Variants in NFILZ observed in about 807,000 individuals in gnomAD.
NFILZ encodes the protein NFIL3 like basic leucine zipper, also known as NFIL3 like protein.
intron 3 of NFILZ, among the ~76,000 whole-genome samples, chr19:8,647,587 C>CCA (rs76371857): frequency 0.043 from 6,230 of 146,568 alleles, 295 homozygotes; most frequent in East Asian, 0.27. Flanking sequence ...CCCCCCCCCC[C>CCA]AAAAAAAGGG....
Position 8,675,352 on chromosome 19 carries a change from T to A in NFILZ, c.-114+752T>A, listed in dbSNP as rs182231343. ...CCCCAGGTGGTTAGTAGAACCCAGA[T>A]CTTTGTGTTAGAGTCTTCATGAAAA... On this transcript the variant is annotated intron_variant, in intron 4 of 5. Coordinates refer to ENST00000691075, the MANE Select transcript of NFILZ (RefSeq NM_001378600.1). 2.1e-3 allele frequency among the ~76,000 whole-genome samples: 318 copies of A among 152,294 alleles called. 3 individuals are homozygous for A. The highest frequency in any genetic ancestry group is 5.5e-3 in the African/African-American group (228 of 41,570).
intron 3 of NFILZ, among the ~76,000 whole-genome samples, chr19:8,666,540 G>A (rs1469340614): frequency 3.9e-5 from 6 of 152,040 alleles, no homozygotes; most frequent in Admixed American, 6.6e-5. Context: ...ATCTGCCTAT[G>A]ATGATAACCT....
intron 3 of NFILZ, among the ~76,000 whole-genome samples, chr19:8,663,753 T>TGTGTGTATGTGC: frequency 6.6e-6 from 1 of 150,494 alleles, no homozygotes; most frequent in African/African-American, 2.5e-5. Flanking sequence ...TGTGTGTGTG[T>TGTGTGTATGTGC]GTGTGTGTGT....
At chr19:8,631,431 G>A (rs2042868884) in intron 1 of NFILZ, among the ~76,000 whole-genome samples, 1 of 152,094 alleles carries the variant, frequency 6.6e-6, no homozygotes, top group Non-Finnish European at 1.5e-5. Flanking sequence ...GAACAGAGAG[G>A]CAGCATTCTG....
intron 3 of NFILZ, among the ~76,000 whole-genome samples, chr19:8,656,152 G>A (rs1284032394): frequency 8.0e-6 from 1 of 125,070 alleles, no homozygotes; most frequent in African/African-American, 2.7e-5. Context: ...ATCTGAGAAG[G>A]CCCTCCATAG....
chr19:8,668,456 T>C (rs1030800479), intron 3 of NFILZ, among the ~76,000 whole-genome samples: 1 of 152,232 alleles, frequency 6.6e-6, no homozygotes, highest in Non-Finnish European at 1.5e-5. Flanking sequence ...CTGTTCTTGT[T>C]TGACAGTTGT....
chr19:8,663,489 G>A (rs1452600516), intron 3 of NFILZ, among the ~76,000 whole-genome samples: 2 of 144,994 alleles, frequency 1.4e-5, no homozygotes, highest in South Asian at 2.2e-4. Context: ...AAGGTGGAGG[G>A]GACGCTGGTG....
At chr19:8,639,516 A>G (rs1163558480) in intron 3 of NFILZ, among the ~76,000 whole-genome samples, 1 of 151,970 alleles carries the variant, frequency 6.6e-6, no homozygotes, top group East Asian at 1.9e-4. Flanking sequence ...GCTTGAGCCC[A>G]GGAGTTTGAG....
intron 3 of NFILZ, among the ~76,000 whole-genome samples, chr19:8,641,741 AATAATAGCACTTACTTGG>A (rs1336184097): frequency 6.6e-6 from 1 of 152,222 alleles, no homozygotes; most frequent in Non-Finnish European, 1.5e-5. Flanking sequence ...AAGCCAGGAT[AATAATAGCACTTACTTGG>A]TAGGGATGCT....
chr19:8,647,748 AACACACACAC>A (rs138740763), intron 3 of NFILZ, among the ~76,000 whole-genome samples: 2 of 137,152 alleles, frequency 1.5e-5, no homozygotes, highest in Admixed American at 7.4e-5. Flanking sequence ...GGAGGGGAAC[AACACACACAC>A]ACACACACAC....
chr19:8,655,801 G>A (rs1177124397), intron 3 of NFILZ, among the ~76,000 whole-genome samples: 7 of 152,004 alleles, frequency 4.6e-5, no homozygotes, highest in Non-Finnish European at 8.8e-5. Context: ...GTCTCTCTCT[G>A]GGTCTTGTTC....
chr19:8,652,988 C>CT (rs1215699891), intron 3 of NFILZ, among the ~76,000 whole-genome samples: 1,522 of 40,254 alleles, frequency 0.038, 138 homozygotes, highest in Non-Finnish European at 0.053. Context: ...TCCTTCCTTC[C>CT]TTCCTTCCTT....
chr19:8,646,369 C>A (rs1335746477), intron 3 of NFILZ, among the ~76,000 whole-genome samples: 3 of 152,120 alleles, frequency 2.0e-5, no homozygotes, highest in Admixed American at 6.6e-5. Context: ...CTCCATTGCA[C>A]AGATGAGGAA....
intron 2 of NFILZ, among the ~76,000 whole-genome samples, chr19:8,633,923 CT>C (rs2042882772): frequency 2.7e-5 from 4 of 145,482 alleles, no homozygotes; most frequent in Admixed American, 7.1e-5. Context: ...TCCTTCCTTC[CT>C]TCCTTCCTTC....
intron 3 of NFILZ, among the ~76,000 whole-genome samples, chr19:8,653,048 CTCTCTCTCTCTCTCTCT>C (rs2042976204): frequency 4.6e-5 from 4 of 86,390 alleles, no homozygotes; most frequent in Admixed American, 1.4e-4. Flanking sequence ...TTCTCTCTCT[CTCTCTCTCTCTCTCTCT>C]CTCTCTCTCT....
chr19:8,663,068 C>T (rs2043039356), intron 3 of NFILZ, among the ~76,000 whole-genome samples: 1 of 152,054 alleles, frequency 6.6e-6, no homozygotes, highest in Admixed American at 6.5e-5. Context: ...ACGCCTCAGC[C>T]TCCTAAGTAG....
In NFILZ at chr19:8,679,269, C is replaced by CATTATT. The variant is rs55926423; in HGVS notation, c.*1666_*1671dup. Among the ~76,000 whole-genome samples, 9,022 of 145,762 alleles carry CATTATT rather than the reference C, an allele frequency of 0.062. 767 individuals carry two copies. Among genetic ancestry groups the CATTATT allele is most frequent in the African/African-American group, 0.2 (7,645 of 39,066 alleles). ...TCAGTTTCTCACTCAGCCCCTCTCCCATTATTATTATTATTATTATTATTA... is the reference window on the plus strand; with the variant it reads ...TCAGTTTCTCACTCAGCCCCTCTCCCATTATTATTATTATTATTATTATTATTATTA... On this transcript the variant is annotated 3_prime_UTR_variant, in exon 6 of 6. Coordinates refer to ENST00000691075, the MANE Select transcript of NFILZ (RefSeq NM_001378600.1).
At chr19:8,674,885 T>A (rs891061220) in intron 4 of NFILZ, among the ~76,000 whole-genome samples, 4 of 152,148 alleles carry the variant, frequency 2.6e-5, no homozygotes, top group Admixed American at 2.0e-4. Context: ...ATACTCCCAA[T>A]TTAGGAAAGT....
At chr19:8,656,237 TCCTGCCTTCTCCAC>T (rs2042992578) in intron 3 of NFILZ, among the ~76,000 whole-genome samples, 4 of 37,702 alleles carry the variant, frequency 1.1e-4, no homozygotes, top group Admixed American at 2.5e-4. Context: ...CCAGAAACCC[TCCTGCCTTCTCCAC>T]GCAGCCCATC....
Sources: allele counts gnomAD v4.1 joint callset (sites outside exome capture counted in the v4.1 genomes callset), GRCh38; gene constraint gnomAD v4.1.1; transcripts MANE v1.5; gene names NCBI Gene and HGNC (gene_info 2026-07-23, HGNC 2026-07-21).